DLGAP1: variants seen among roughly 807,000 people sequenced by gnomAD.
The protein encoded by DLGAP1 is disks large-associated protein 1.
In DLGAP1, 11 loss-of-function variants were observed where a neutral mutation model predicts 90.8. That is an observed-to-expected ratio of 0.12 (90% confidence interval 0.08 to 0.20). The LOEUF (loss-of-function observed/expected upper bound fraction) is 0.20. Ranked by LOEUF, DLGAP1 falls within the 10% of genes least tolerant of loss-of-function variation. The pLI is 1.00. For synonymous variants in DLGAP1, 558 were observed against 540.7 expected (o/e 1.03, Z -0.44); for missense variants, 1,050 against 1,333.8 (o/e 0.79, Z 3.31).
chr18:3,674,296 A>AAAAAAAAAAAAAAAATATATATATATAT (rs755076240), intron 7 of DLGAP1, among the ~76,000 whole-genome samples: 3 of 128,992 alleles, frequency 2.3e-5, no homozygotes, highest in Non-Finnish European at 4.8e-5. Flanking sequence ...ATAATATTAA[A>AAAAAAAAAAAAAAAATATATATATATAT]ATATATATAT....
intron 3 of DLGAP1, among the ~76,000 whole-genome samples, chr18:3,963,046 C>T (rs2073236770): frequency 6.6e-6 from 1 of 152,146 alleles, no homozygotes; most frequent in South Asian, 2.1e-4. Context: ...ATGAGAAGTG[C>T]TGTTTTCTAT....
In DLGAP1 at chr18:3,737,618, G is replaced by A. The variant is rs1420162965; in HGVS notation, c.1350+4717C>T. On this transcript the variant is annotated intron_variant, in intron 6 of 12. Transcript: ENST00000315677. Reference sequence around the variant, plus strand: ...TCAATAAATTAGGTATTGATGGGATGTATTTCAAAATAATAAGAGCTATCT... The same window carrying A: ...TCAATAAATTAGGTATTGATGGGATATATTTCAAAATAATAAGAGCTATCT... Among the ~76,000 whole-genome samples, 4 of 150,156 alleles carry A rather than the reference G, an allele frequency of 2.7e-5. No homozygotes were observed. In the East Asian group the frequency reaches 7.8e-4, roughly 29 times the overall value.
At chr18:3,699,151 G>T (rs753863176) in intron 7 of DLGAP1, among the ~76,000 whole-genome samples, 1 of 151,984 alleles carries the variant, frequency 6.6e-6, no homozygotes, top group Non-Finnish European at 1.5e-5. Context: ...CCATCAATTC[G>T]TCAAACTCAT....
At chr18:4,287,130 C>T (rs1343141240) in intron 1 of DLGAP1, among the ~76,000 whole-genome samples, 6 of 152,248 alleles carry the variant, frequency 3.9e-5, no homozygotes, top group East Asian at 1.9e-4. Context: ...CAAGCCAAGC[C>T]GAGACCAGTC....
At chr18:3,951,164 G>A (rs1167468534) in intron 3 of DLGAP1, among the ~76,000 whole-genome samples, 6 of 152,196 alleles carry the variant, frequency 3.9e-5, no homozygotes, top group Admixed American at 2.6e-4. Context: ...TTGATCTAGA[G>A]CTGATTTAAG....
At chr18:3,629,826 C>T (rs991756412) in intron 7 of DLGAP1, among the ~76,000 whole-genome samples, 2 of 152,094 alleles carry the variant, frequency 1.3e-5, no homozygotes, top group African/African-American at 4.8e-5. Flanking sequence ...TTTGATATTT[C>T]GATGTCCCTT....
chr18:3,610,256 G>A (rs3879732), intron 7 of DLGAP1, among the ~76,000 whole-genome samples: 57,114 of 151,998 alleles, frequency 0.38, 10,863 homozygotes, highest in Middle Eastern at 0.48. Flanking sequence ...GCCATTTGTG[G>A]AGGAGACGTA....
chr18:4,032,330 C>T (rs937790548), intron 2 of DLGAP1, among the ~76,000 whole-genome samples: 1 of 152,130 alleles, frequency 6.6e-6, no homozygotes, highest in Admixed American at 6.6e-5. Flanking sequence ...TCTCTGTAGT[C>T]TACCTATTGA....
intron 1 of DLGAP1, among the ~76,000 whole-genome samples, chr18:4,194,558 A>ACG (rs1257945976): frequency 6.6e-6 from 1 of 152,188 alleles, no homozygotes; most frequent in Non-Finnish European, 1.5e-5. Flanking sequence ...GTGAGAGTGT[A>ACG]CGTATTTTTT....
At chr18:4,073,386 T>C (rs972607607) in intron 2 of DLGAP1, among the ~76,000 whole-genome samples, 3 of 152,164 alleles carry the variant, frequency 2.0e-5, no homozygotes, top group African/African-American at 7.2e-5. Context: ...GTTCACACTT[T>C]AGTAAGAAGA....
chr18:3,686,348 A>G (rs1241478302), intron 7 of DLGAP1, among the ~76,000 whole-genome samples: 1 of 151,920 alleles, frequency 6.6e-6, no homozygotes, highest in Admixed American at 6.6e-5. Context: ...TTAAGGAATC[A>G]TGGGGGAAGG....
intron 1 of DLGAP1, among the ~76,000 whole-genome samples, chr18:4,157,765 G>C (rs1326209077): frequency 1.3e-5 from 2 of 152,144 alleles, no homozygotes; most frequent in African/African-American, 4.8e-5. Flanking sequence ...ACAATTCATG[G>C]GAGTCTGGTG....
At chr18:4,297,762 ATC>A (rs532152812) in intron 1 of DLGAP1, among the ~76,000 whole-genome samples, 1 of 151,284 alleles carries the variant, frequency 6.6e-6, no homozygotes. Context: ...CTCTCTCTCA[ATC>A]TCTCTCTCTC....
intron 1 of DLGAP1, among the ~76,000 whole-genome samples, chr18:4,312,227 A>AT (rs2080419367): frequency 6.6e-6 from 1 of 152,212 alleles, no homozygotes; most frequent in Admixed American, 6.5e-5. Flanking sequence ...GTTCTCAGTG[A>AT]TTATATACAC....
rs1296828713 is a variant in DLGAP1, at chr18:3,729,967, C to T, written c.1351-592G>A. On this transcript the variant is annotated intron_variant, in intron 6 of 12. Transcript: ENST00000315677. This position sits in a 1 kb window ranked among gnomAD's most constrained non-coding sequence, Gnocchi z 6.2. The stretch of plus-strand genomic sequence containing the variant: ...CTTAATTTAGTGCAAGGTATGGAAA[C>T]ATGCCCTATATTTTCTGGCAAGATA... 6.6e-6 allele frequency among the ~76,000 whole-genome samples: 1 copy of T among 152,166 alleles called. No individual in the cohort carries two copies. Among genetic ancestry groups the T allele is most frequent in the African/African-American group, 2.4e-5 (1 of 41,432 alleles).
intron 7 of DLGAP1, among the ~76,000 whole-genome samples, chr18:3,720,931 TCA>T (rs2061958706): frequency 7.8e-6 from 1 of 128,838 alleles, no homozygotes; most frequent in Non-Finnish European, 1.6e-5. Context: ...TGGTATAATC[TCA>T]GCTATACTGG....
chr18:4,426,003 T>C (rs1462968), intron 1 of DLGAP1, among the ~76,000 whole-genome samples: 70,712 of 152,068 alleles, frequency 0.47, 17,866 homozygotes, highest in East Asian at 0.59. Context: ...GCTTTTTTTT[T>C]CTGCAAAATG....
chr18:4,422,602 A>G (rs1385794956), intron 1 of DLGAP1, among the ~76,000 whole-genome samples: 1 of 151,992 alleles, frequency 6.6e-6, no homozygotes, highest in Non-Finnish European at 1.5e-5. Context: ...TTAGATATGA[A>G]TTGTCTTCTG....
chr18:4,120,137 T>C (rs1325633647), intron 2 of DLGAP1, among the ~76,000 whole-genome samples: 1 of 152,262 alleles, frequency 6.6e-6, no homozygotes, highest in Non-Finnish European at 1.5e-5. Context: ...AGATTAATTA[T>C]AATGCTATTT....
Sources: gnomAD v4.1 joint callset for allele counts (sites outside exome capture counted in the v4.1 genomes callset) on GRCh38, gnomAD v4.1.1 for gene constraint, Gnocchi (gnomAD v3.1) non-coding constraint, MANE v1.5 for transcripts, NCBI Gene and HGNC (gene_info 2026-07-23, HGNC 2026-07-21) for gene names.